SDCBP: variants seen among roughly 807,000 people sequenced by gnomAD.
SDCBP encodes the protein syndecan binding protein, also known as syntenin-1.
A neutral mutation model predicts 30.5 loss-of-function variants in SDCBP; 22 were observed. The ratio of observed to expected loss-of-function variants is 0.72; its 90% CI spans 0.52 to 1.03. The LOEUF is 1.03. Ranked by LOEUF, SDCBP falls within the 50% of genes least tolerant of loss-of-function variation. SDCBP has a pLI of 0.00. For synonymous variants in SDCBP, 103 were observed against 118.7 expected (o/e 0.87, Z 0.86); for missense variants, 304 against 369.9 (o/e 0.82, Z 1.46).
intron 5 of SDCBP, among the ~76,000 whole-genome samples, chr8:58,576,906 G>A (rs4574832): frequency 0.019 from 2,952 of 152,276 alleles, 52 homozygotes; most frequent in African/African-American, 0.044. Context: ...GGAGGCCCCC[G>A]CCCTGCCTGC....
chr8:58,557,326 TATATAA>T (rs1253913432), intron 1 of SDCBP, among the ~76,000 whole-genome samples: 18 of 135,390 alleles, frequency 1.3e-4, no homozygotes, highest in Admixed American at 5.4e-4. Flanking sequence ...AAATATAAAA[TATATAA>T]ATATAAATAT....
chr8:58,580,457 G>C (rs1163299290), intron 7 of SDCBP, 60 bp from the exon 8 acceptor site: 2 of 852,478 alleles, frequency 2.3e-6, no homozygotes, highest in Non-Finnish European at 4.0e-6. Flanking sequence ...GACTGGCATA[G>C]TTTTGTATTT....
At chr8:58,571,011 T>C in intron 3 of SDCBP, 46 bp downstream of exon 3, 1 of 1,402,276 alleles carries the variant, frequency 7.1e-7, no homozygotes, top group Non-Finnish European at 1.0e-6. Flanking sequence ...GAAATATTGT[T>C]ATCTTCTTTT....
At chr8:58,574,647 A>G (rs1805222012) in intron 4 of SDCBP, among the ~76,000 whole-genome samples, 1 of 152,054 alleles carries the variant, frequency 6.6e-6, no homozygotes, top group Admixed American at 6.5e-5. Context: ...TTTTCATTTC[A>G]CATATTTTAT....
In SDCBP at chr8:58,564,898, G is replaced by T; in HGVS notation, c.-15-121G>T. On this transcript the variant is annotated intron_variant, in intron 1 of 8. Transcript: ENST00000260130. ...ATATTCTTATTTTTTAATATGTTTTGCAATTTAAATGTTTTTTATTGAGTT... is the reference window on the plus strand; with the variant it reads ...ATATTCTTATTTTTTAATATGTTTTTCAATTTAAATGTTTTTTATTGAGTT... 2 of 535,764 alleles carry T rather than the reference G, an allele frequency of 3.7e-6. 1 individual carries two copies. The highest frequency in any genetic ancestry group is 5.3e-5 in the South Asian group (2 of 37,716). 33.2% of individuals were successfully genotyped at this position (535,764 alleles called of 1,614,324 possible).
At position 58,578,102 on chromosome 8, in the gene SDCBP, G is replaced by A; in HGVS notation, c.472G>A (p.Val158Ile). ...GGTTGGTCTGAGATTTGGGGACCAAGTACTTCAGATCAATGGTGAAAACTG... is the reference window on the plus strand; with the variant it reads ...GGTTGGTCTGAGATTTGGGGACCAAATACTTCAGATCAATGGTGAAAACTG... ...SLVGLRFGDQ[V>I]LQINGENCAG... The change falls in exon 6 of 9, where the codon GTA becomes ATA. Residue 158 changes from valine to isoleucine, a missense_variant. Physicochemically the swap from Val to Ile is conservative, Grantham distance 29. Coordinates refer to ENST00000260130, the MANE Select transcript of SDCBP (RefSeq NM_005625.4). 8.7e-6 allele frequency: 14 copies of A among 1,613,886 alleles called. No homozygotes were observed. Among genetic ancestry groups the A allele is most frequent in the Non-Finnish European group, 1.1e-5 (13 of 1,179,788 alleles).
intron 4 of SDCBP, among the ~76,000 whole-genome samples, chr8:58,574,459 T>G (rs1805211017): frequency 6.6e-6 from 1 of 152,190 alleles, no homozygotes; most frequent in Non-Finnish European, 1.5e-5. Context: ...GAACTTCCTT[T>G]GTTCACTACA....
At chr8:58,575,879 C>T (rs765079331) in intron 4 of SDCBP, 21 bp from the exon 5 acceptor site, 12 of 1,579,452 alleles carry the variant, frequency 7.6e-6, no homozygotes, top group South Asian at 1.1e-5. Context: ...GATATTGACA[C>T]ATTGTATATG....
At chr8:58,570,451 A>T (rs2077165062) in intron 2 of SDCBP, among the ~76,000 whole-genome samples, 1 of 152,074 alleles carries the variant, frequency 6.6e-6, no homozygotes, top group Admixed American at 6.6e-5. Flanking sequence ...CTTAGTATTA[A>T]TTTTTTAGGT....
chr8:58,555,896 C>G (rs919950875), intron 1 of SDCBP, among the ~76,000 whole-genome samples: 1 of 151,914 alleles, frequency 6.6e-6, no homozygotes, highest in Non-Finnish European at 1.5e-5. Flanking sequence ...TTATTTTTTA[C>G]ATTTTTCATT....
At chr8:58,572,681 T>G (rs1042181814) in intron 4 of SDCBP, among the ~76,000 whole-genome samples, 3 of 152,116 alleles carry the variant, frequency 2.0e-5, no homozygotes, top group Admixed American at 6.5e-5. Context: ...CTAGCCTTCA[T>G]TATTATAGTA....
chr8:58,565,530 G>C (rs555103642), intron 2 of SDCBP, among the ~76,000 whole-genome samples: 1 of 152,214 alleles, frequency 6.6e-6, no homozygotes, highest in South Asian at 2.1e-4. Flanking sequence ...GAGCAGTCAT[G>C]TAAGAGCACA....
intron 5 of SDCBP, 146 bp from the exon 6 acceptor site, chr8:58,577,875 ACTTAATATACTC>A: frequency 1.9e-6 from 1 of 528,258 alleles, no homozygotes; most frequent in South Asian, 2.9e-5. Context: ...TGAGGTGATA[ACTTAATATACTC>A]ATATAGTTTT....
chr8:58,579,898 T>TG, intron 7 of SDCBP, 104 bp downstream of exon 7: 1 of 1,040,686 alleles, frequency 9.6e-7, no homozygotes. Flanking sequence ...AGGTGGGAGA[T>TG]GGGGAACGTG....
chr8:58,572,963 T>C (rs1035784973), intron 4 of SDCBP, among the ~76,000 whole-genome samples: 2 of 151,736 alleles, frequency 1.3e-5, no homozygotes, highest in African/African-American at 4.8e-5. Flanking sequence ...CGCGCCACCA[T>C]GCCTGGCTAA....
intron 2 of SDCBP, among the ~76,000 whole-genome samples, chr8:58,565,436 T>A (rs985904092): frequency 1.1e-4 from 16 of 152,258 alleles, no homozygotes; most frequent in African/African-American, 3.8e-4. Flanking sequence ...CTTTTGGATC[T>A]TTAGGTATGA....
chr8:58,560,614 CAGAT>C (rs1563504267), intron 1 of SDCBP: 1 of 152,322 alleles, frequency 6.6e-6, no homozygotes, highest in East Asian at 1.9e-4. Context: ...GTACCACAGA[CAGAT>C]AGCACAGGGA....
intron 2 of SDCBP, among the ~76,000 whole-genome samples, chr8:58,567,219 T>C (rs981470127): frequency 1.4e-4 from 21 of 152,234 alleles, no homozygotes; most frequent in Admixed American, 1.2e-3. Flanking sequence ...GGTTACATCC[T>C]TTTGTTTCAT....
chr8:58,577,481 T>C (rs1440711636), intron 5 of SDCBP, among the ~76,000 whole-genome samples: 1 of 152,248 alleles, frequency 6.6e-6, no homozygotes, highest in East Asian at 1.9e-4. Flanking sequence ...CCCATCTTTT[T>C]AGTCTAACAA....
Sources: allele counts gnomAD v4.1 joint callset (sites outside exome capture counted in the v4.1 genomes callset), GRCh38; gene constraint gnomAD v4.1.1; transcripts MANE v1.5; gene names NCBI Gene and HGNC (gene_info 2026-07-23, HGNC 2026-07-21).